The following COL5A1 variants were observed in gnomAD, a reference collection of about 807,000 sequenced individuals.
The protein encoded by COL5A1 is collagen type V alpha 1 chain.
Under a neutral mutation model 263.7 loss-of-function variants are expected in COL5A1, and 16 were observed. That is an observed-to-expected ratio of 0.06 (90% CI 0.04 to 0.09). The LOEUF is 0.09. COL5A1 is among the 10% of genes least tolerant of loss of function. The probability of loss-of-function intolerance (pLI) is 1.00; values close to 1 mark genes in which losing one functional copy is unlikely to be tolerated. For synonymous variants in COL5A1, 1,012 were observed against 1,004.5 expected (o/e 1.01, Z -0.14); for missense variants, 2,036 against 2,540.5 (o/e 0.80, Z 4.27).
chr9:134,649,512 G>A (rs752865975), intron 1 of COL5A1: 5 of 471,276 alleles, frequency 1.1e-5, no homozygotes, highest in Non-Finnish European at 1.8e-5. Context: ...TTCTTGTAGG[G>A]AAATTAGCTC....
At chr9:134,656,585 C>T (rs911147126) in intron 1 of COL5A1, among the ~76,000 whole-genome samples, 2 of 152,052 alleles carry the variant, frequency 1.3e-5, no homozygotes, top group African/African-American at 4.8e-5. Context: ...TAGGTGTGCC[C>T]GGTGTGCAGG....
intron 25 of COL5A1, 93 bp downstream of exon 25, chr9:134,768,556 G>C: frequency 7.7e-7 from 1 of 1,306,734 alleles, no homozygotes; most frequent in Non-Finnish European, 1.1e-6. Flanking sequence ...GGTTGTTGTT[G>C]GACGGCATTG....
intron 65 of COL5A1, among the ~76,000 whole-genome samples, chr9:134,838,301 C>G (rs527493874): frequency 2.0e-5 from 3 of 152,186 alleles, no homozygotes; most frequent in African/African-American, 7.2e-5. Context: ...CTCCCAGGGG[C>G]AAAATCTCCC....
chr9:134,789,064 C>T lies in COL5A1; in HGVS notation c.2647-91C>T. ...GGTGGAGTCTGGGGCAGAGGCTGTGCACTGGCATGCAGGTGGTCCCCCAGG... is the reference window on the plus strand; with the variant it reads ...GGTGGAGTCTGGGGCAGAGGCTGTGTACTGGCATGCAGGTGGTCCCCCAGG... On this transcript the variant is annotated intron_variant, in intron 31 of 65. Coordinates refer to ENST00000371817, the MANE Select transcript of COL5A1 (RefSeq NM_000093.5). This position sits in a 1 kb window ranked among gnomAD's most constrained non-coding sequence, Gnocchi z 4.8. The T allele has an allele frequency of 8.9e-7, 1 of 1,119,334 alleles. No individual in the cohort carries two copies. The highest frequency in any genetic ancestry group is 1.3e-6 in the Non-Finnish European group (1 of 743,716). The allele number at this position is 1,119,334 out of a possible 1,614,324, so 69.3% of individuals were successfully genotyped here.
At chr9:134,699,346 T>C (rs1306865197) in intron 2 of COL5A1, among the ~76,000 whole-genome samples, 1 of 152,258 alleles carries the variant, frequency 6.6e-6, no homozygotes, top group Non-Finnish European at 1.5e-5. Context: ...TTGATGAATT[T>C]CCACTTTTTC....
At position 134,835,185 on chromosome 9, in the gene COL5A1, C is replaced by T; in HGVS notation, c.5351C>T (p.Ala1784Val). 6.2e-7 allele frequency: 1 copy of T among 1,613,648 alleles called. No individual in the cohort carries two copies. Among genetic ancestry groups the T allele is most frequent in the Non-Finnish European group, 8.5e-7 (1 of 1,179,982 alleles). Residue 1784 changes from alanine to valine, a missense_variant, in exon 65 of 66, where the codon GCC becomes GTC. Around this residue, in one of 3 missense-constraint regions of COL5A1, gnomAD observed 358 missense variants for 384.6 expected, o/e 0.93. Coordinates refer to ENST00000371817, the MANE Select transcript of COL5A1 (RefSeq NM_000093.5). ...MSYDNNPYIRALVDGCATKKG... is the reference protein window; with the variant it reads ...MSYDNNPYIRVLVDGCATKKG... ...TATGACAACAACCCCTACATCCGCGCCCTGGTGGACGGCTGTGCTGTGAGT... is the reference window on the plus strand; with the variant it reads ...TATGACAACAACCCCTACATCCGCGTCCTGGTGGACGGCTGTGCTGTGAGT...
chr9:134,732,388 C>T, intron 9 of COL5A1: 1 of 597,658 alleles, frequency 1.7e-6, no homozygotes, highest in South Asian at 1.9e-5. Context: ...CACCCAAGCT[C>T]TGGGCATCTC....
At chr9:134,811,629 T>C (rs763458947) in intron 46 of COL5A1, 30 bp downstream of exon 46, 1 of 1,499,412 alleles carries the variant, frequency 6.7e-7, no homozygotes, top group South Asian at 1.2e-5. Context: ...CACACCGGGC[T>C]CCTCCGCTTC....
chr9:134,730,035 G>A (rs115721407), intron 6 of COL5A1, among the ~76,000 whole-genome samples: 1 of 152,200 alleles, frequency 6.6e-6, no homozygotes, highest in Non-Finnish European at 1.5e-5. Flanking sequence ...CAGCTGGGCT[G>A]CCTTCTTCCC....
At chr9:134,664,634 G>A (rs112112558) in intron 1 of COL5A1, among the ~76,000 whole-genome samples, 1,739 of 152,348 alleles carry the variant, frequency 0.011, 27 homozygotes, top group African/African-American at 0.039. Context: ...CCCAGGGAGA[G>A]GCACTGCTCC....
Position 134,700,185 on chromosome 9 carries a change from A to G in COL5A1, c.491+63A>G. ...AGGGGGGATCAGGCCAGCTCATACCACTGACCAGATGTGGGGCACAGTAGA... is the reference window on the plus strand; with the variant it reads ...AGGGGGGATCAGGCCAGCTCATACCGCTGACCAGATGTGGGGCACAGTAGA... On this transcript the variant is annotated intron_variant, in intron 3 of 65. Coordinates refer to ENST00000371817, the MANE Select transcript of COL5A1 (RefSeq NM_000093.5). This position sits in a 1 kb window ranked among gnomAD's most constrained non-coding sequence, Gnocchi z 4.0. 1 of 1,497,616 alleles carries G rather than the reference A, an allele frequency of 6.7e-7. No individual in the cohort carries two copies. The highest frequency in any genetic ancestry group is 9.1e-7 in the Non-Finnish European group (1 of 1,095,192). 92.8% of individuals were successfully genotyped at this position (1,497,616 alleles called of 1,614,324 possible). A position where few individuals can be genotyped will look rare whatever the true frequency, so the allele number is the denominator to read the frequency against.
chr9:134,781,145 C>T (rs185173058), intron 28 of COL5A1, among the ~76,000 whole-genome samples: 7 of 152,314 alleles, frequency 4.6e-5, no homozygotes, highest in Non-Finnish European at 8.8e-5. Flanking sequence ...CCCGAGGGGA[C>T]GCATTGAGTG....
chr9:134,707,928 G>A (rs961606612), intron 4 of COL5A1, among the ~76,000 whole-genome samples: 3 of 152,188 alleles, frequency 2.0e-5, no homozygotes, highest in Non-Finnish European at 2.9e-5. Flanking sequence ...AGCTGTGTGC[G>A]GCTGGCGGCT....
At chr9:134,826,646 GCA>G (rs1434173221) in intron 63 of COL5A1, among the ~76,000 whole-genome samples, 10 of 145,338 alleles carry the variant, frequency 6.9e-5, no homozygotes, top group South Asian at 6.3e-4. Context: ...ATGTGTGGGT[GCA>G]TGTGGCTGGT....
chr9:134,717,617 C>T (rs1235367927), intron 4 of COL5A1, among the ~76,000 whole-genome samples: 1 of 152,184 alleles, frequency 6.6e-6, no homozygotes, highest in Non-Finnish European at 1.5e-5. Flanking sequence ...AACGTGCCCG[C>T]CTGCCAGGAC....
chr9:134,842,020 C>A lies in COL5A1; in HGVS notation c.5371-137C>A. 1 of 946,062 alleles carries A rather than the reference C, an allele frequency of 1.1e-6. No individual in the cohort carries two copies. The allele number at this position is 946,062 out of a possible 1,614,324, so 58.6% of individuals were successfully genotyped here. A position where few individuals can be genotyped will look rare whatever the true frequency, so the allele number is the denominator to read the frequency against. On this transcript the variant is annotated intron_variant, in intron 65 of 65. Coordinates refer to ENST00000371817, the MANE Select transcript of COL5A1 (RefSeq NM_000093.5). This position sits in a 1 kb window ranked among gnomAD's most constrained non-coding sequence, Gnocchi z 5.8. ...AGCCATATTTCCTCCAACACTTGCC[C>A]GGGCAAGCGCAGCCCTGGGTAGGAG...
intron 59 of COL5A1, 78 bp downstream of exon 59, chr9:134,822,228 G>GC (rs1839036623): frequency 7.2e-6 from 9 of 1,253,610 alleles, no homozygotes; most frequent in Non-Finnish European, 1.0e-5. Flanking sequence ...TCAGTGTGGA[G>GC]CTAGAGAATT....
intron 5 of COL5A1, 49 bp downstream of exon 5, chr9:134,727,446 G>A (rs1367881685): frequency 1.9e-6 from 3 of 1,609,502 alleles, no homozygotes; most frequent in South Asian, 1.1e-5. Flanking sequence ...AGACTACTTG[G>A]GATGGTTGGT....
Position 134,818,961 on chromosome 9 carries a change from C to T in COL5A1, c.4393-39C>T. 4.3e-6 allele frequency: 7 copies of T among 1,613,256 alleles called. No individual in the cohort carries two copies. Among genetic ancestry groups the T allele is most frequent in the Admixed American group, 3.3e-5 (2 of 60,024 alleles). On this transcript the variant is annotated intron_variant, in intron 56 of 65. Coordinates refer to ENST00000371817, the MANE Select transcript of COL5A1 (RefSeq NM_000093.5). The surrounding 1 kb of genome is among the most constrained non-coding windows in gnomAD (Gnocchi z 6.0). Reference sequence around the variant, plus strand: ...GGGATGACTTCGCCACCCAAAGCCCCAAGGATGAGGACTCTGATCCCCCTG... The same window carrying T: ...GGGATGACTTCGCCACCCAAAGCCCTAAGGATGAGGACTCTGATCCCCCTG...
Sources: allele counts gnomAD v4.1 joint callset (sites outside exome capture counted in the v4.1 genomes callset), GRCh38; gene constraint gnomAD v4.1.1; regional missense constraint gnomAD v4.1.1; non-coding constraint Gnocchi (gnomAD v3.1); transcripts MANE v1.5; gene names NCBI Gene and HGNC (gene_info 2026-07-23, HGNC 2026-07-21).